Variants in TRIM5 observed in about 807,000 individuals in gnomAD.
TRIM5 encodes the protein tripartite motif containing 5, also known as tripartite motif-containing protein 5.
A neutral mutation model predicts 35.6 loss-of-function variants in TRIM5; 31 were observed. The observed-to-expected ratio is 0.87, with a 90% CI of 0.65 to 1.18. The LOEUF (loss-of-function observed/expected upper bound fraction) is 1.18, where lower values mean the gene tolerates loss of function less well. TRIM5 is among the 50% of genes most tolerant of loss of function. TRIM5 has a pLI of 0.00. For synonymous variants in TRIM5, 243 were observed against 215.6 expected, an observed-to-expected ratio of 1.13 and a Z score of -1.11; for missense variants, 609 against 591.6, an observed-to-expected ratio of 1.03 and a Z score of -0.31.
chr11:5,667,846 A>AT lies in TRIM5; in HGVS notation c.745-136dup, dbSNP rs1851262386. 4 of 891,034 alleles carry AT rather than the reference A, an allele frequency of 4.5e-6. No individual in the cohort carries two copies. In the African/African-American group the frequency reaches 6.9e-5, roughly 15 times the overall value. The allele number at this position is 891,034 out of a possible 1,614,324, so 55.2% of individuals were successfully genotyped here. On this transcript the variant is annotated intron_variant, in intron 4 of 7. Coordinates refer to ENST00000380034, the MANE Select transcript of TRIM5 (RefSeq NM_033034.3). ...CAGTGTGAAAGACAAAAAAGCAAAG[A>AT]TAAGACTCAAGGCAATCATCCCAGA... is the stretch of plus-strand genomic sequence containing the variant.
the TRIM5 span, among the ~76,000 whole-genome samples, chr11:5,638,149 T>C: frequency 1.3e-5 from 2 of 152,216 alleles, no homozygotes; most frequent in African/African-American, 2.4e-5. Context: ...TCCTGAATGC[T>C]TGTGGGTGAC....
chr11:5,644,594 A>G, the TRIM5 span, among the ~76,000 whole-genome samples: 1 of 152,142 alleles, frequency 6.6e-6, no homozygotes, highest in East Asian at 1.9e-4. Flanking sequence ...TATTTAAGAT[A>G]TATATACTAT....
chr11:5,606,085 C>T, the TRIM5 span, among the ~76,000 whole-genome samples: 8 of 152,210 alleles, frequency 5.3e-5, no homozygotes, highest in Non-Finnish European at 1.2e-4. Context: ...CACCTCTCGT[C>T]TCTGATGCTG....
chr11:5,660,308 T>C (rs150939618), downstream of TRIM5, among the ~76,000 whole-genome samples: 1 of 152,286 alleles, frequency 6.6e-6, no homozygotes, highest in Non-Finnish European at 1.5e-5. Flanking sequence ...AGTACATATA[T>C]TGTTAACTGA....
the TRIM5 span, among the ~76,000 whole-genome samples, chr11:5,591,974 A>G: frequency 2.0e-5 from 3 of 152,172 alleles, no homozygotes; most frequent in Admixed American, 6.5e-5. Flanking sequence ...TGAGGTTATA[A>G]CATCTTGTTT....
At chr11:5,682,366 G>A (rs952446225) in intron 1 of TRIM5, among the ~76,000 whole-genome samples, 4 of 152,020 alleles carry the variant, frequency 2.6e-5, no homozygotes, top group African/African-American at 7.2e-5. Flanking sequence ...GGGCAGATAC[G>A]GCCCACGGAG....
the TRIM5 span, among the ~76,000 whole-genome samples, chr11:5,634,263 A>G: frequency 0.03 from 4,567 of 152,178 alleles, 214 homozygotes; most frequent in African/African-American, 0.1. Context: ...ATGAATATCC[A>G]GGAAAGCTAT....
At chr11:5,681,219 T>C (rs1420021825) in intron 1 of TRIM5, among the ~76,000 whole-genome samples, 8 of 152,158 alleles carry the variant, frequency 5.3e-5, no homozygotes, top group African/African-American at 1.9e-4. Context: ...GATGAGATGA[T>C]TCTGTTCCCG....
At chr11:5,666,378 TA>T (rs397738949) in intron 5 of TRIM5, 33,107 of 179,880 alleles carry the variant, frequency 0.18, 1,432 homozygotes, top group South Asian at 0.28. Context: ...TCATAGGACA[TA>T]AAAAAAAAAA....
chr11:5,674,542 A>G (rs1235185094), intron 4 of TRIM5, among the ~76,000 whole-genome samples: 1 of 152,258 alleles, frequency 6.6e-6, no homozygotes, highest in Non-Finnish European at 1.5e-5. Context: ...ACTGGGCTCA[A>G]CCTAGTAAAA....
At chr11:5,611,916 C>G in the TRIM5 span, 1 of 152,174 alleles carries the variant, frequency 6.6e-6, no homozygotes, top group Non-Finnish European at 1.5e-5. Context: ...TGCAGGGGAT[C>G]AAATTTAGGA....
At chr11:5,638,207 A>C in the TRIM5 span, among the ~76,000 whole-genome samples, 1 of 152,240 alleles carries the variant, frequency 6.6e-6, no homozygotes, top group African/African-American at 2.4e-5. Context: ...TTTTTAGCAG[A>C]AAATAATATC....
chr11:5,632,344 A>G, the TRIM5 span: 6 of 1,614,102 alleles, frequency 3.7e-6, no homozygotes, highest in Admixed American at 1.0e-4. Flanking sequence ...GGCTTCAAAA[A>G]TCTTGCTTAA....
chr11:5,618,983 A>G, the TRIM5 span, among the ~76,000 whole-genome samples: 3 of 152,236 alleles, frequency 2.0e-5, no homozygotes, highest in East Asian at 5.8e-4. Flanking sequence ...CATTGGGTAA[A>G]AATTCACAGT....
the TRIM5 span, among the ~76,000 whole-genome samples, chr11:5,655,074 T>C: frequency 6.6e-6 from 1 of 151,580 alleles, no homozygotes; most frequent in Non-Finnish European, 1.5e-5. Context: ...GCACCTGTAA[T>C]CCAGCTACTT....
the TRIM5 span, among the ~76,000 whole-genome samples, chr11:5,637,717 G>A: frequency 6.6e-6 from 1 of 152,032 alleles, no homozygotes; most frequent in Non-Finnish European, 1.5e-5. Flanking sequence ...AACTGAAACT[G>A]TACCCATTAA....
In TRIM5 at chr11:5,679,181, G is replaced by A; in HGVS notation, c.418-12C>T. The A allele has an allele frequency of 6.2e-7, 1 of 1,610,640 alleles. No individual in the cohort carries two copies. Among genetic ancestry groups the A allele is most frequent in the South Asian group, 1.1e-5 (1 of 90,906 alleles). On this transcript the variant is annotated splice_polypyrimidine_tract_variant and intron_variant, in intron 2 of 7. Transcript: ENST00000380034. ...GCCTGGAGCTTCACCTGTGAGAAAG[G>A]AATCACACCATAGTCAAGCTATGAG...
the TRIM5 span, among the ~76,000 whole-genome samples, chr11:5,606,139 G>A: frequency 6.6e-6 from 1 of 152,312 alleles, no homozygotes; most frequent in African/African-American, 2.4e-5. Flanking sequence ...TTAGTCACAG[G>A]CACACTTACG....
chr11:5,648,751 C>T, the TRIM5 span, among the ~76,000 whole-genome samples: 2 of 152,002 alleles, frequency 1.3e-5, no homozygotes, highest in African/African-American at 2.4e-5. Flanking sequence ...GCAGATGGGA[C>T]GTGTTTATAA....
Sources: gnomAD v4.1 joint callset for allele counts (sites outside exome capture counted in the v4.1 genomes callset) on GRCh38, gnomAD v4.1.1 for gene constraint, MANE v1.5 for transcripts, NCBI Gene and HGNC (gene_info 2026-07-23, HGNC 2026-07-21) for gene names.